Variants in NUFIP2 observed in about 807,000 individuals in gnomAD.
NUFIP2 encodes the protein nuclear FMR1 interacting protein 2, also known as FMR1-interacting protein NUFIP2.
NUFIP2 carries 6 observed loss-of-function variants against 56.9 expected under a neutral mutation model. The observed-to-expected ratio is 0.11, with a 90% CI of 0.06 to 0.21. NUFIP2 has a LOEUF of 0.21. Among genes scored for constraint, NUFIP2 ranks in the 10% least tolerant of loss-of-function variants. The pLI, the probability that NUFIP2 is intolerant of heterozygous loss-of-function variation, is 1.00. For synonymous variants in NUFIP2, 321 were observed against 298.2 expected (o/e 1.08, Z -0.79); for missense variants, 828 against 826.8 (o/e 1.00, Z -0.02).
intron 2 of NUFIP2, among the ~76,000 whole-genome samples, chr17:29,284,267 G>C (rs2069157393): frequency 6.7e-6 from 1 of 150,322 alleles, no homozygotes; most frequent in African/African-American, 2.5e-5. Context: ...AGGAAAGATG[G>C]GAAGACTGAA....
At chr17:29,288,852 A>G (rs1047047542) in intron 1 of NUFIP2, among the ~76,000 whole-genome samples, 2 of 152,248 alleles carry the variant, frequency 1.3e-5, no homozygotes, top group African/African-American at 4.8e-5. Flanking sequence ...TATGGTATTC[A>G]GGTTTAATTA....
chr17:29,292,378 T>G (rs1278434053), intron 1 of NUFIP2, among the ~76,000 whole-genome samples: 1 of 150,268 alleles, frequency 6.7e-6, no homozygotes, highest in Non-Finnish European at 1.5e-5. Flanking sequence ...AAGTGCTGGG[T>G]CGGGAGGGGA....
intron 2 of NUFIP2, among the ~76,000 whole-genome samples, chr17:29,274,307 A>C (rs1480685183): frequency 8.5e-5 from 13 of 152,224 alleles, no homozygotes; most frequent in African/African-American, 2.9e-4. Flanking sequence ...CTATGTCTAC[A>C]AAACATTTAA....
chr17:29,287,211 G>A lies in NUFIP2; in HGVS notation c.783C>T (p.Phe261=). The A allele has an allele frequency of 6.2e-7, 1 of 1,614,126 alleles. No individual in the cohort carries two copies. The highest frequency in any genetic ancestry group is 1.1e-5 in the South Asian group (1 of 91,070). The stretch of plus-strand genomic sequence containing the variant: ...CCTTTTGTTCACTATAGTCAGGCTT[G>A]AAAGTTTCAAGTCCCTGTTTTAAGG... ...VPTLKQGLET[F]KPDYSEQKGN... is the part of the protein sequence containing the mutation. Residue 261 remains phenylalanine, a synonymous_variant, in exon 2 of 4, where the codon TTC becomes TTT. Coordinates refer to ENST00000225388, the MANE Select transcript of NUFIP2 (RefSeq NM_020772.3).
chr17:29,291,366 AG>A (rs1411872154), intron 1 of NUFIP2, among the ~76,000 whole-genome samples: 1 of 152,178 alleles, frequency 6.6e-6, no homozygotes, highest in Non-Finnish European at 1.5e-5. Flanking sequence ...GTTCCTCTTT[AG>A]GTTTGTGAGC....
At chr17:29,289,876 C>A (rs1214315633) in intron 1 of NUFIP2, among the ~76,000 whole-genome samples, 2 of 152,166 alleles carry the variant, frequency 1.3e-5, no homozygotes, top group African/African-American at 2.4e-5. Context: ...ATTCCTAAAA[C>A]AGACTGGCAC....
chr17:29,274,665 T>A (rs1453435362), intron 2 of NUFIP2, among the ~76,000 whole-genome samples: 1 of 152,140 alleles, frequency 6.6e-6, no homozygotes, highest in Non-Finnish European at 1.5e-5. Context: ...AGTAAAAAGC[T>A]ACATATGAAG....
At chr17:29,269,252 T>C (rs1211038201) in intron 2 of NUFIP2, among the ~76,000 whole-genome samples, 4 of 152,212 alleles carry the variant, frequency 2.6e-5, no homozygotes, top group Non-Finnish European at 4.4e-5. Flanking sequence ...TTAACTATTA[T>C]GTGTAACTAC....
At position 29,293,878 on chromosome 17, in the gene NUFIP2, C is replaced by G; in HGVS notation, c.182G>C (p.Gly61Ala). ...CTGGGCCTTGGGGCTGCCCTCGGCT[C>G]CATGCTGCAGGTATTGGTGAGGCTG... is the stretch of plus-strand genomic sequence containing the variant. Reference protein sequence around the residue: ...HQQPHQYLQHGAEGSPKAQPK... With the variant: ...HQQPHQYLQHAAEGSPKAQPK... The change falls in exon 1 of 4, where the codon GGA becomes GCA. Residue 61 changes from glycine (G) to alanine (A), a missense_variant. Coordinates refer to ENST00000225388, the MANE Select transcript of NUFIP2 (RefSeq NM_020772.3). The G allele has an allele frequency of 6.2e-7, 1 of 1,613,692 alleles. No homozygotes were observed. Among genetic ancestry groups the G allele is most frequent in the Non-Finnish European group, 8.5e-7 (1 of 1,179,760 alleles).
Position 29,286,203 on chromosome 17 carries a change from A to G in NUFIP2, c.1791T>C (p.His597=), listed in dbSNP as rs1264885135. 3 of 1,614,074 alleles carry G rather than the reference A, an allele frequency of 1.9e-6. No individual in the cohort carries two copies. Among genetic ancestry groups the G allele is most frequent in the Non-Finnish European group, 2.5e-6 (3 of 1,179,960 alleles). The change falls in exon 2 of 4, where the codon CAT becomes CAC. Residue 597 remains histidine (H), a synonymous_variant. Coordinates refer to ENST00000225388, the MANE Select transcript of NUFIP2 (RefSeq NM_020772.3). ...TGTCTGCTTTCTGCAGGTCACCTAT[A>G]TGACTGGGTTCCAAGGATAAGGCTC... ...ESGALSLEPS[H]IGDLQKADTS... is the part of the protein sequence containing the mutation.
At chr17:29,272,830 G>A (rs1025129585) in intron 2 of NUFIP2, among the ~76,000 whole-genome samples, 4 of 150,748 alleles carry the variant, frequency 2.7e-5, no homozygotes, top group Non-Finnish European at 5.9e-5. Context: ...GTCAACCTCA[G>A]TAACTGATTC....
chr17:29,269,877 C>T (rs2069061238), intron 2 of NUFIP2, among the ~76,000 whole-genome samples: 1 of 152,174 alleles, frequency 6.6e-6, no homozygotes, highest in African/African-American at 2.4e-5. Flanking sequence ...CCTGCCACCA[C>T]GCCTGGCTAA....
chr17:29,272,434 G>A (rs1330391369), intron 2 of NUFIP2, among the ~76,000 whole-genome samples: 1 of 151,970 alleles, frequency 6.6e-6, no homozygotes, highest in Non-Finnish European at 1.5e-5. Context: ...TAGAGACGGG[G>A]TTTCACCGTG....
intron 3 of NUFIP2, 100 bp downstream of exon 3, chr17:29,267,398 A>T: frequency 1.5e-6 from 1 of 674,876 alleles, no homozygotes; most frequent in African/African-American, 1.9e-5. Flanking sequence ...CAAAATACAA[A>T]GTCTATTTGG....
rs949419388 is a variant in NUFIP2, at chr17:29,273,538, C to A, written c.2003-6008G>T. 6.0e-5 allele frequency among the ~76,000 whole-genome samples: 9 copies of A among 151,208 alleles called. No homozygotes were observed. The South Asian group carries it at 1.2e-3, about 21-fold the overall frequency. On this transcript the variant is annotated intron_variant, in intron 2 of 3. Coordinates refer to ENST00000225388, the MANE Select transcript of NUFIP2 (RefSeq NM_020772.3). ...CACACACACACACAGACACACAGCA[C>A]AAAATCTAACTTGCCAGTTCTTTTT...
chr17:29,287,016 A>T lies in NUFIP2; in HGVS notation c.978T>A (p.Ala326=), dbSNP rs754119367. 5.0e-5 allele frequency: 81 copies of T among 1,614,110 alleles called. No homozygotes were observed. Among genetic ancestry groups the T allele is most frequent in the Non-Finnish European group, 6.4e-5 (75 of 1,180,050 alleles). Reference sequence around the variant, plus strand: ...TCCACGAGTCCTCTTTGGAGGCAACAGCTGAAGCATGCTTTCCTTTGGGCC... The same window carrying T: ...TCCACGAGTCCTCTTTGGAGGCAACTGCTGAAGCATGCTTTCCTTTGGGCC... ...DDRPKGKHAS[A]VASKEDSWTL... The change falls in exon 2 of 4, where the codon GCT becomes GCA. Residue 326 remains alanine (A), a synonymous_variant. Transcript: ENST00000225388.
At chr17:29,282,529 C>T (rs1420726898) in intron 2 of NUFIP2, among the ~76,000 whole-genome samples, 1 of 147,498 alleles carries the variant, frequency 6.8e-6, no homozygotes, top group East Asian at 2.0e-4. Flanking sequence ...GCCTGGGCAA[C>T]AGAGCAAGAC....
chr17:29,293,993 G>C lies in NUFIP2; in HGVS notation c.67C>G (p.Pro23Ala). The change falls in exon 1 of 4, where the codon CCT becomes GCT. Residue 23 changes from proline to alanine, a missense_variant. This residue lies in a region of NUFIP2 where 415 missense variants were observed against 408.7 expected (regional missense o/e 1.02). Coordinates refer to ENST00000225388, the MANE Select transcript of NUFIP2 (RefSeq NM_020772.3). ...TGCGGCTGCTGCTGCTGCTGCTGAGGGTGATGGTGCGGATGGTGGTGGCTG... is the reference window on the plus strand; with the variant it reads ...TGCGGCTGCTGCTGCTGCTGCTGAGCGTGATGGTGCGGATGGTGGTGGCTG... ...HHSHHHPHHH[P>A]QQQQQQPHHH... 6.2e-7 allele frequency: 1 copy of C among 1,613,224 alleles called. No homozygotes were observed. The highest frequency in any genetic ancestry group is 8.5e-7 in the Non-Finnish European group (1 of 1,179,364).
At chr17:29,264,649 T>A (rs2069023816) in intron 3 of NUFIP2, 58 bp from the exon 4 acceptor site, 1 of 1,091,288 alleles carries the variant, frequency 9.2e-7, no homozygotes, top group African/African-American at 1.6e-5. Flanking sequence ...ATGCCCGTAT[T>A]CCAATAACAA....
Sources: gnomAD v4.1 joint callset for allele counts (sites outside exome capture counted in the v4.1 genomes callset) on GRCh38, gnomAD v4.1.1 for gene constraint, gnomAD v4.1.1 regional missense constraint, MANE v1.5 for transcripts, NCBI Gene and HGNC (gene_info 2026-07-23, HGNC 2026-07-21) for gene names.